ZNF676: variants seen among roughly 807,000 people sequenced by gnomAD.
ZNF676 encodes the protein zinc finger protein 676.
ZNF676 carries 4 observed loss-of-function variants against 6.0 expected under a neutral mutation model. The observed-to-expected ratio is 0.67, with a 90% CI of 0.33 to 1.53. ZNF676 has a LOEUF of 1.53. ZNF676 is among the 40% of genes most tolerant of loss of function. The probability of loss-of-function intolerance (pLI) is 0.06; values close to 1 mark genes in which losing one functional copy is unlikely to be tolerated. For synonymous variants in ZNF676, 198 were observed against 223.1 expected (o/e 0.89, Z 1.00); for missense variants, 644 against 679.7 (o/e 0.95, Z 0.58).
chr19:22,196,739 C>T lies in ZNF676; in HGVS notation c.-106G>A. 5.7e-6 allele frequency: 9 copies of T among 1,590,458 alleles called. No homozygotes were observed. The highest frequency in any genetic ancestry group is 6.0e-6 in the Non-Finnish European group (7 of 1,159,588). ...ATGTCAATGCTCCCTGGAAAACACA[C>T]ACAAACACATATATTTACCAATTGG... On this transcript the variant is annotated 5_prime_UTR_variant, in exon 1 of 3. It adds an upstream start codon to the 5' untranslated region. Transcript: ENST00000397121.
At chr19:22,200,302 G>C (rs147948666), upstream of ZNF676, among the ~76,000 whole-genome samples, 389 of 151,874 alleles carry the variant, frequency 2.6e-3, 3 homozygotes, top group African/African-American at 8.9e-3. Context: ...CAGGGTAAAA[G>C]AACTACAAAT....
At chr19:22,210,565 C>T (rs34364151) in intron 1 of ZNF676, among the ~76,000 whole-genome samples, 45,434 of 152,034 alleles carry the variant, frequency 0.3, 7,587 homozygotes, top group Non-Finnish European at 0.38. Flanking sequence ...AAAGATGAAG[C>T]ATATAGATAA....
At chr19:22,213,990 G>C (rs1599720239) in intron 1 of ZNF676, among the ~76,000 whole-genome samples, 1 of 152,202 alleles carries the variant, frequency 6.6e-6, no homozygotes, top group Non-Finnish European at 1.5e-5. Context: ...TTTACAAACA[G>C]AAAACAAATC....
chr19:22,213,689 T>TA (rs1170444858), intron 1 of ZNF676, among the ~76,000 whole-genome samples: 5 of 152,108 alleles, frequency 3.3e-5, no homozygotes, highest in Non-Finnish European at 5.9e-5. Context: ...GATGAGAGGC[T>TA]ACACTCCATA....
chr19:22,216,067 T>G (rs371217596), upstream of ZNF676, among the ~76,000 whole-genome samples: 10 of 152,344 alleles, frequency 6.6e-5, no homozygotes, highest in East Asian at 1.7e-3. Flanking sequence ...ACAAATATAT[T>G]TTACTGTCAT....
intron 2 of ZNF676, among the ~76,000 whole-genome samples, chr19:22,186,381 C>G (rs2023840298): frequency 6.6e-6 from 1 of 152,142 alleles, no homozygotes; most frequent in African/African-American, 2.4e-5. Context: ...CTAAAGGAAG[C>G]ACTGAACATC....
chr19:22,182,623 A>G (rs1280267598), intron 2 of ZNF676, among the ~76,000 whole-genome samples: 2 of 144,842 alleles, frequency 1.4e-5, no homozygotes, highest in Non-Finnish European at 3.0e-5. Flanking sequence ...AAAAGAAGCT[A>G]TAAAGTGAGA....
chr19:22,179,441 C>G lies in ZNF676; in HGVS notation c.*509G>C, dbSNP rs138111981. The G allele has an allele frequency of 2.8e-6, 1 of 359,286 alleles. No homozygotes were observed. Among genetic ancestry groups the G allele is most frequent in the Non-Finnish European group, 5.5e-6 (1 of 183,004 alleles). The allele number at this position is 359,286 out of a possible 1,614,324, so 22.3% of individuals were successfully genotyped here. ...GTTAAAGGCTTTGCCACATTCCACA[C>G]AATTATAGGAATTCCCTCCAGTATG... On this transcript the variant is annotated 3_prime_UTR_variant, in exon 3 of 3. Transcript: ENST00000397121.
chr19:22,216,218 G>A (rs985956131), upstream of ZNF676, among the ~76,000 whole-genome samples: 30 of 152,102 alleles, frequency 2.0e-4, no homozygotes, highest in African/African-American at 6.5e-4. Flanking sequence ...GTGGATCACC[G>A]GAGGTCAGAA....
chr19:22,220,703 C>T (rs10420880), upstream of ZNF676, among the ~76,000 whole-genome samples: 1 of 152,090 alleles, frequency 6.6e-6, no homozygotes. Context: ...GTGATCCCCC[C>T]ACCTCGTCCT....
At chr19:22,253,366 G>GTA in the ZNF676 span, among the ~76,000 whole-genome samples, 339 of 63,298 alleles carry the variant, frequency 5.4e-3, 5 homozygotes, top group African/African-American at 8.7e-3. Context: ...GTGTGTGTGT[G>GTA]TGTGTGTATA....
intron 1 of ZNF676, among the ~76,000 whole-genome samples, chr19:22,205,876 C>G (rs1464474857): frequency 2.0e-5 from 3 of 151,426 alleles, no homozygotes; most frequent in Non-Finnish European, 4.4e-5. Context: ...GGCATTAAAT[C>G]TATTTAAAAA....
chr19:22,192,401 C>T (rs889117152), intron 2 of ZNF676, among the ~76,000 whole-genome samples: 6 of 151,622 alleles, frequency 4.0e-5, no homozygotes, highest in Non-Finnish European at 8.8e-5. Flanking sequence ...ATTCAGTAAA[C>T]TCTGTCAATA....
chr19:22,237,088 G>T, the ZNF676 span, among the ~76,000 whole-genome samples: 1 of 152,178 alleles, frequency 6.6e-6, no homozygotes, highest in Non-Finnish European at 1.5e-5. Context: ...GTGGTCAAGG[G>T]TATATCTTCT....
At chr19:22,189,136 T>G (rs1415166695) in intron 2 of ZNF676, among the ~76,000 whole-genome samples, 1 of 152,074 alleles carries the variant, frequency 6.6e-6, no homozygotes, top group East Asian at 1.9e-4. Flanking sequence ...CAAAACAGTA[T>G]GGTACTGGTA....
chr19:22,256,622 G>A, the ZNF676 span, among the ~76,000 whole-genome samples: 1 of 152,092 alleles, frequency 6.6e-6, no homozygotes, highest in Admixed American at 6.6e-5. Context: ...TGAGCAGGAC[G>A]CATGCATGTG....
chr19:22,218,666 A>G (rs2024218292), upstream of ZNF676, among the ~76,000 whole-genome samples: 1 of 152,080 alleles, frequency 6.6e-6, no homozygotes, highest in African/African-American at 2.4e-5. Flanking sequence ...TTATTCTTCA[A>G]TATGTGGCTT....
At chr19:22,182,731 C>T (rs1306177926) in intron 2 of ZNF676, among the ~76,000 whole-genome samples, 1 of 149,446 alleles carries the variant, frequency 6.7e-6, no homozygotes, top group Admixed American at 6.7e-5. Flanking sequence ...GCACTGCATA[C>T]GTCTTCCATA....
Position 22,179,534 on chromosome 19 carries a change from GGGTTT to G in ZNF676, c.*411_*415del. On this transcript the variant is annotated 3_prime_UTR_variant, in exon 3 of 3. Coordinates refer to ENST00000397121, the MANE Select transcript of ZNF676 (RefSeq NM_001001411.3). ...GCTTGCCACATTCTTCACATTTGTA[GGGTTT>G]CCCTCCTGTATAAATTCCCTTATGT... The G allele has an allele frequency of 2.3e-6, 1 of 438,524 alleles. No individual in the cohort carries two copies. Among genetic ancestry groups the G allele is most frequent in the Non-Finnish European group, 4.5e-6 (1 of 224,708 alleles). The allele number at this position is 438,524 out of a possible 1,614,324, so 27.2% of individuals were successfully genotyped here. A position where few individuals can be genotyped will look rare whatever the true frequency, so the allele number is the denominator to read the frequency against.
Sources: gnomAD v4.1 joint callset for allele counts (sites outside exome capture counted in the v4.1 genomes callset) on GRCh38, gnomAD v4.1.1 for gene constraint, MANE v1.5 for transcripts, NCBI Gene and HGNC (gene_info 2026-07-23, HGNC 2026-07-21) for gene names.